The following BCO2 variants were observed in gnomAD, a reference collection of about 807,000 sequenced individuals.
BCO2 encodes the protein carotenoid-cleaving dioxygenase, mitochondrial.
In BCO2, 56 loss-of-function variants were observed where a neutral mutation model predicts 65.8. The observed-to-expected ratio is 0.85, with a 90% CI of 0.69 to 1.06. The LOEUF is 1.06. Among genes scored for constraint, BCO2 ranks in the 50% least tolerant of loss-of-function variants. The pLI, the probability that BCO2 is intolerant of heterozygous loss-of-function variation, is 0.00. For synonymous variants in BCO2, 233 were observed against 242.3 expected (o/e 0.96, Z 0.36); for missense variants, 675 against 698.5 (o/e 0.97, Z 0.38).
chr11:112,212,703 A>G (rs1859545051), intron 8 of BCO2, among the ~76,000 whole-genome samples: 1 of 152,146 alleles, frequency 6.6e-6, no homozygotes, highest in South Asian at 2.1e-4. Context: ...AACCCACCCA[A>G]GCCTGCTTGT....
At chr11:112,215,245 C>A in intron 10 of BCO2, 1 of 369,162 alleles carries the variant, frequency 2.7e-6, no homozygotes, top group Non-Finnish European at 5.0e-6. Flanking sequence ...TATAGTTACA[C>A]AAATTGTGTT....
rs186092934 is a variant in BCO2, at chr11:112,199,384, G to A, written c.737-315G>A. ...TGATGGGCATTTGAGTTGGTTGCAA[G>A]TCTTTGCTATTGTGAACAGTGCTTG... On this transcript the variant is annotated intron_variant, in intron 5 of 11. Transcript: ENST00000357685. Among the ~76,000 whole-genome samples, 9 of 152,302 alleles carry A rather than the reference G, an allele frequency of 5.9e-5. No homozygotes were observed. In the East Asian group the frequency reaches 1.7e-3, roughly 29 times the overall value.
At chr11:112,203,042 T>A (rs1592856487) in intron 8 of BCO2, among the ~76,000 whole-genome samples, 1 of 116,200 alleles carries the variant, frequency 8.6e-6, no homozygotes, top group East Asian at 2.6e-4. Flanking sequence ...ACAGTAAGAC[T>A]CCATCTCCAA....
At chr11:112,206,929 T>C (rs1053117437) in intron 8 of BCO2, among the ~76,000 whole-genome samples, 4 of 152,230 alleles carry the variant, frequency 2.6e-5, no homozygotes, top group African/African-American at 9.6e-5. Flanking sequence ...ACATTTCTTT[T>C]TGTGTGTTTT....
At chr11:112,182,594 T>C (rs1424320074) in intron 2 of BCO2, among the ~76,000 whole-genome samples, 1 of 151,032 alleles carries the variant, frequency 6.6e-6, no homozygotes, top group Non-Finnish European at 1.5e-5. Flanking sequence ...AGCAAACTAT[T>C]GCAAGGACAG....
intron 5 of BCO2, among the ~76,000 whole-genome samples, chr11:112,196,502 A>C (rs150036481): frequency 2.6e-5 from 4 of 152,220 alleles, no homozygotes; most frequent in Non-Finnish European, 5.9e-5. Context: ...TGTAAACATT[A>C]ATCAATCCAG....
chr11:112,183,158 AACACCACTAT>A, intron 2 of BCO2: 1 of 1,170,526 alleles, frequency 8.5e-7, no homozygotes, highest in Non-Finnish European at 1.3e-6. Flanking sequence ...AAGAGATGCT[AACACCACTAT>A]ACATGTCACA....
At chr11:112,195,530 C>T (rs1283441929) in intron 5 of BCO2, among the ~76,000 whole-genome samples, 1 of 152,116 alleles carries the variant, frequency 6.6e-6, no homozygotes. Context: ...GCAACCTCCA[C>T]CTCCCAGATT....
chr11:112,214,535 G>T (rs111997478), intron 9 of BCO2, among the ~76,000 whole-genome samples: 1 of 152,276 alleles, frequency 6.6e-6, no homozygotes, highest in East Asian at 1.9e-4. Context: ...AGAATAAAAC[G>T]CATATCTCCA....
chr11:112,181,011 C>G, intron 2 of BCO2: 1 of 1,432,482 alleles, frequency 7.0e-7, no homozygotes, highest in South Asian at 1.1e-5. Context: ...TCTAAGCCTC[C>G]TGAAGGATTG....
intron 2 of BCO2, chr11:112,183,176 A>C: frequency 1.0e-6 from 1 of 1,002,904 alleles, no homozygotes; most frequent in South Asian, 1.3e-5. Flanking sequence ...TATACATGTC[A>C]CAAAGTGTCA....
At chr11:112,194,186 C>G in intron 4 of BCO2, 192 bp downstream of exon 4, 2 of 541,814 alleles carry the variant, frequency 3.7e-6, no homozygotes, top group East Asian at 3.1e-5. Flanking sequence ...AAATATAATT[C>G]TAAACTCCTT....
chr11:112,194,944 T>C (rs1431857122), intron 5 of BCO2, among the ~76,000 whole-genome samples, 189 bp downstream of exon 5: 1 of 152,120 alleles, frequency 6.6e-6, no homozygotes, highest in Non-Finnish European at 1.5e-5. Context: ...AATGCTGTTA[T>C]AGGAAACAGC....
At chr11:112,187,408 T>C (rs1277267898) in intron 2 of BCO2, among the ~76,000 whole-genome samples, 7 of 151,498 alleles carry the variant, frequency 4.6e-5, no homozygotes, top group African/African-American at 1.7e-4. Context: ...ACCTTGCTGA[T>C]TGATTCAATT....
chr11:112,194,496 T>A (rs879135245), intron 4 of BCO2, 157 bp from the exon 5 acceptor site: 2 of 557,388 alleles, frequency 3.6e-6, no homozygotes, highest in South Asian at 4.8e-5. Flanking sequence ...TTCTTTTTTT[T>A]AGTGGGAAAA....
chr11:112,204,758 C>T (rs954677365), intron 8 of BCO2, among the ~76,000 whole-genome samples: 8 of 152,140 alleles, frequency 5.3e-5, no homozygotes, highest in Admixed American at 3.9e-4. Context: ...CTGCAACCTC[C>T]GCCTCCTCAG....
intron 3 of BCO2, 30 bp downstream of exon 3, chr11:112,193,727 G>GAT: frequency 6.3e-7 from 1 of 1,586,246 alleles, no homozygotes; most frequent in Non-Finnish European, 8.6e-7. Context: ...AAACTATTAC[G>GAT]ATATATAACC....
At chr11:112,203,807 A>T in intron 8 of BCO2, among the ~76,000 whole-genome samples, 1 of 149,292 alleles carries the variant, frequency 6.7e-6, no homozygotes, top group Non-Finnish European at 1.5e-5. Context: ...TGTATTTGAG[A>T]TTTTCTTTAA....
In BCO2 at chr11:112,193,492, T is replaced by A; in HGVS notation, c.312T>A (p.Asp104Glu). 1 of 1,614,146 alleles carries A rather than the reference T, an allele frequency of 6.2e-7. No homozygotes were observed. Among genetic ancestry groups the A allele is most frequent in the Non-Finnish European group, 8.5e-7 (1 of 1,180,016 alleles). The stretch of plus-strand genomic sequence containing the variant: ...TTTGAAGGTACAATCATTGGTTTGA[T>A]GGGATGGCGCTGCTTCACCAGTTCA... ...FGKDKYNHWF[D>E]GMALLHQFRM... The change falls in exon 3 of 12, where the codon GAT (aspartate) becomes GAA (glutamate). Residue 104 changes from aspartate to glutamate, a missense_variant. By Grantham distance (45) the Asp-to-Glu change is conservative. Coordinates refer to ENST00000357685, the MANE Select transcript of BCO2 (RefSeq NM_031938.7).
Sources: allele counts gnomAD v4.1 joint callset (sites outside exome capture counted in the v4.1 genomes callset), GRCh38; gene constraint gnomAD v4.1.1; transcripts MANE v1.5; gene names NCBI Gene and HGNC (gene_info 2026-07-23, HGNC 2026-07-21).